RHOA: variants seen among roughly 807,000 people sequenced by gnomAD.
RHOA encodes ras homolog family member A.
A neutral mutation model predicts 17.5 loss-of-function variants in RHOA; 3 were observed. The ratio of observed to expected loss-of-function variants is 0.17; its 90% CI spans 0.08 to 0.44. The LOEUF (loss-of-function observed/expected upper bound fraction) is 0.44. Ranked by LOEUF, RHOA falls within the 20% of genes least tolerant of loss-of-function variation. RHOA has a pLI of 0.99. For synonymous variants in RHOA, 98 were observed against 88.4 expected, an observed-to-expected ratio of 1.11 and a Z score of -0.61; for missense variants, 56 against 242.3, an observed-to-expected ratio of 0.23 and a Z score of 5.10.
intron 1 of RHOA, among the ~76,000 whole-genome samples, chr3:49,399,610 CT>C (rs1214666645): frequency 1.4e-5 from 2 of 147,866 alleles, no homozygotes; most frequent in African/African-American, 2.5e-5. Flanking sequence ...AAGGGTCTTG[CT>C]TTGTCACTCA....
intron 1 of RHOA, among the ~76,000 whole-genome samples, chr3:49,376,884 T>G (rs2048236480): frequency 6.6e-6 from 1 of 151,762 alleles, no homozygotes; most frequent in African/African-American, 2.4e-5. Context: ...ATCCCAGCAT[T>G]TTGGGAGGCC....
chr3:49,410,687 C>T (rs1306624726), intron 1 of RHOA, among the ~76,000 whole-genome samples: 1 of 152,226 alleles, frequency 6.6e-6, no homozygotes. Flanking sequence ...CATTACACAT[C>T]TGGGTGATAC....
intron 1 of RHOA, among the ~76,000 whole-genome samples, chr3:49,397,172 T>C (rs1658596593): frequency 1.4e-5 from 2 of 146,014 alleles, no homozygotes; most frequent in Admixed American, 1.4e-4. Context: ...TGTTACAACA[T>C]GGATGAACCT....
At chr3:49,410,162 G>A (rs140507038) in intron 1 of RHOA, among the ~76,000 whole-genome samples, 3 of 152,200 alleles carry the variant, frequency 2.0e-5, no homozygotes, top group Admixed American at 1.3e-4. Flanking sequence ...GAATAAGCTA[G>A]AAGTCCTGAA....
intron 2 of RHOA, 52 bp downstream of exon 2, chr3:49,375,382 T>A (rs2048210181): frequency 1.3e-6 from 2 of 1,550,576 alleles, no homozygotes; most frequent in South Asian, 2.4e-5. Context: ...ACATGCTCCA[T>A]AAATATTCTA....
chr3:49,364,292 C>T (rs2048018947), intron 3 of RHOA, among the ~76,000 whole-genome samples: 1 of 151,988 alleles, frequency 6.6e-6, no homozygotes, highest in African/African-American at 2.4e-5. Flanking sequence ...GGGAGACCAG[C>T]ATAACCAACA....
At chr3:49,404,747 G>A (rs1360945411) in intron 1 of RHOA, among the ~76,000 whole-genome samples, 1 of 148,584 alleles carries the variant, frequency 6.7e-6, no homozygotes, top group Non-Finnish European at 1.5e-5. Flanking sequence ...TGGGCAACAT[G>A]GTTAAACCCC....
At chr3:49,408,901 C>T (rs1396473889) in intron 1 of RHOA, among the ~76,000 whole-genome samples, 2 of 151,906 alleles carry the variant, frequency 1.3e-5, no homozygotes, top group African/African-American at 4.8e-5. Flanking sequence ...CACGCCATTC[C>T]CCTGCCTCAG....
intron 1 of RHOA, among the ~76,000 whole-genome samples, chr3:49,396,721 G>T (rs1028849449): frequency 3.3e-5 from 5 of 151,830 alleles, no homozygotes; most frequent in African/African-American, 7.3e-5. Context: ...AAAAAGTCAG[G>T]CCGGGTGCAG....
intron 1 of RHOA, among the ~76,000 whole-genome samples, chr3:49,387,138 A>C (rs1193010248): frequency 1.4e-4 from 17 of 122,438 alleles, no homozygotes; most frequent in Non-Finnish European, 2.3e-4. Flanking sequence ...AAAAAAAAAA[A>C]AAAAAAAAAA....
In RHOA at chr3:49,359,854, T is replaced by TATTA. The variant is rs2047931212; in HGVS notation, c.*354_*355insTAAT. The TATTA allele has an allele frequency of 3.8e-6, 1 of 262,984 alleles. No homozygotes were observed. The highest frequency in any genetic ancestry group is 2.2e-5 in the African/African-American group (1 of 45,898). 16.3% of individuals were successfully genotyped at this position (262,984 alleles called of 1,614,324 possible). A position where few individuals can be genotyped will look rare whatever the true frequency, so the allele number is the denominator to read the frequency against. ...AGAGTACCTTGCAGCTGACAGATAA[T>TATTA]AGGCAGGACATGTTAGTTATAAAGT... On this transcript the variant is annotated 3_prime_UTR_variant, in exon 5 of 5. Coordinates refer to ENST00000418115, the MANE Select transcript of RHOA (RefSeq NM_001664.4).
In RHOA at chr3:49,364,078, A is replaced by G. The variant is rs1393984417; in HGVS notation, c.278-1452T>C. Among the ~76,000 whole-genome samples the G allele has an allele frequency of 2.0e-5, 3 of 151,980 alleles. No homozygotes were observed. In the East Asian group the frequency reaches 5.8e-4, roughly 29 times the overall value. Reference sequence around the variant, plus strand: ...AAAAACAAATAAATAGGCTGGGCGCAGTGGCTCACGTCTATAATCCCAAAA... The same window carrying G: ...AAAAACAAATAAATAGGCTGGGCGCGGTGGCTCACGTCTATAATCCCAAAA... On this transcript the variant is annotated intron_variant, in intron 3 of 4. Coordinates refer to ENST00000418115, the MANE Select transcript of RHOA (RefSeq NM_001664.4).
chr3:49,405,127 G>A (rs1403895379), intron 1 of RHOA, among the ~76,000 whole-genome samples: 5 of 149,782 alleles, frequency 3.3e-5, no homozygotes, highest in African/African-American at 4.9e-5. Context: ...GCGTGGTGGC[G>A]GGCACCTGTA....
At chr3:49,379,816 C>T (rs1266570810) in intron 1 of RHOA, among the ~76,000 whole-genome samples, 3 of 152,154 alleles carry the variant, frequency 2.0e-5, no homozygotes, top group African/African-American at 7.2e-5. Flanking sequence ...GCACCCAGCC[C>T]ACAGTATATA....
At chr3:49,404,949 AAAT>A (rs1559519907) in intron 1 of RHOA, among the ~76,000 whole-genome samples, 2 of 146,598 alleles carry the variant, frequency 1.4e-5, no homozygotes, top group African/African-American at 2.5e-5. Context: ...CCAAAAAAAA[AAAT>A]AATAAAAAAA....
At chr3:49,409,540 C>G (rs770660249) in intron 1 of RHOA, among the ~76,000 whole-genome samples, 2 of 152,178 alleles carry the variant, frequency 1.3e-5, no homozygotes, top group Non-Finnish European at 2.9e-5. Context: ...CAAATTAGCT[C>G]TCTTAGAAGC....
At chr3:49,394,165 C>T (rs528291694) in intron 1 of RHOA, among the ~76,000 whole-genome samples, 14 of 151,834 alleles carry the variant, frequency 9.2e-5, no homozygotes, top group East Asian at 5.8e-4. Context: ...CCACCGCCCC[C>T]GGCCTAATTT....
intron 1 of RHOA, among the ~76,000 whole-genome samples, chr3:49,380,432 G>C (rs1412395319): frequency 1.3e-5 from 2 of 152,114 alleles, no homozygotes; most frequent in African/African-American, 4.8e-5. Context: ...ACTCAGCTGG[G>C]CATGGTGATT....
chr3:49,408,240 G>GTA (rs2048870526), intron 1 of RHOA, among the ~76,000 whole-genome samples: 1 of 146,930 alleles, frequency 6.8e-6, no homozygotes. Flanking sequence ...ACGTATACAC[G>GTA]TATATGTACA....
Sources: gnomAD v4.1 joint callset for allele counts (sites outside exome capture counted in the v4.1 genomes callset) on GRCh38, gnomAD v4.1.1 for gene constraint, MANE v1.5 for transcripts, NCBI Gene and HGNC (gene_info 2026-07-23, HGNC 2026-07-21) for gene names.